The following ASIC2 variants were observed in gnomAD, a reference collection of about 807,000 sequenced individuals.
ASIC2 encodes acid sensing ion channel subunit 2.
A neutral mutation model predicts 57.3 loss-of-function variants in ASIC2; 25 were observed. The ratio of observed to expected loss-of-function variants is 0.44; its 90% confidence interval spans 0.32 to 0.61. ASIC2 has a LOEUF of 0.61. ASIC2 is among the 20% of genes least tolerant of loss of function. The pLI, the probability that ASIC2 is intolerant of heterozygous loss-of-function variation, is 0.06. For synonymous variants in ASIC2, 319 were observed against 307.5 expected (o/e 1.04, Z -0.39); for missense variants, 641 against 738.1 (o/e 0.87, Z 1.52).
intron 1 of ASIC2, among the ~76,000 whole-genome samples, chr17:33,840,790 C>T (rs1304780181): frequency 6.7e-6 from 1 of 148,576 alleles, no homozygotes; most frequent in African/African-American, 2.5e-5. Flanking sequence ...CTTTAGGTAC[C>T]TGGACACACC....
At chr17:34,132,885 C>G (rs888545035) in intron 1 of ASIC2, among the ~76,000 whole-genome samples, 18 of 152,354 alleles carry the variant, frequency 1.2e-4, no homozygotes, top group Middle Eastern at 3.4e-3. Context: ...GCTCAGCTGA[C>G]CTCTGTAGAC....
rs368160107 is a variant in ASIC2 at position 33,037,876 on chromosome 17, C to T, written c.988-9484G>A. On this transcript the variant is annotated intron_variant, in intron 3 of 9. Coordinates refer to ENST00000225823, the MANE Select transcript of ASIC2 (RefSeq NM_183377.2). ...ACTGTCTTGGGAGTGACTTCTCCAT[C>T]ACCAGGGCTGTTCAAGTAGAAACTA... Among the ~76,000 whole-genome samples, 7 of 152,296 alleles carry T rather than the reference C, an allele frequency of 4.6e-5. No homozygotes were observed. In the South Asian group the frequency reaches 1.5e-3, roughly 32 times the overall value.
At chr17:34,101,535 T>C (rs1285970549) in intron 1 of ASIC2, among the ~76,000 whole-genome samples, 1 of 152,188 alleles carries the variant, frequency 6.6e-6, no homozygotes, top group East Asian at 1.9e-4. Flanking sequence ...CCTAAGAATG[T>C]ACAGAGGATA....
chr17:33,490,822 A>T (rs1913731789), intron 1 of ASIC2, among the ~76,000 whole-genome samples: 1 of 152,230 alleles, frequency 6.6e-6, no homozygotes, highest in African/African-American at 2.4e-5. Flanking sequence ...AAAAATTTCC[A>T]CATGGAGTCT....
At chr17:33,801,407 G>A (rs1242803826) in intron 1 of ASIC2, among the ~76,000 whole-genome samples, 2 of 152,110 alleles carry the variant, frequency 1.3e-5, no homozygotes, top group Non-Finnish European at 2.9e-5. Flanking sequence ...CTGCTTGATT[G>A]TCTGATCTGA....
intron 1 of ASIC2, among the ~76,000 whole-genome samples, chr17:33,628,749 C>T (rs761893012): frequency 1.1e-4 from 16 of 152,196 alleles, no homozygotes; most frequent in Non-Finnish European, 2.4e-4. Flanking sequence ...TAACAGCCCT[C>T]TGAGGTTGAT....
chr17:33,970,699 T>C (rs1905203862), intron 1 of ASIC2, among the ~76,000 whole-genome samples: 1 of 152,186 alleles, frequency 6.6e-6, no homozygotes, highest in Non-Finnish European at 1.5e-5. Context: ...TTGTAAGCAC[T>C]CATTGAGGCT....
chr17:34,080,287 A>G (rs138616648), intron 1 of ASIC2, among the ~76,000 whole-genome samples: 1 of 152,292 alleles, frequency 6.6e-6, no homozygotes, highest in African/African-American at 2.4e-5. Flanking sequence ...TGCAATGTCA[A>G]TTGTGCCCCT....
At chr17:33,585,293 C>A (rs1904587588) in intron 1 of ASIC2, among the ~76,000 whole-genome samples, 1 of 152,194 alleles carries the variant, frequency 6.6e-6, no homozygotes, top group Admixed American at 6.5e-5. Flanking sequence ...GTCCTTGACC[C>A]AGTCCCAGGA....
At chr17:33,496,696 C>G (rs945371308) in intron 1 of ASIC2, among the ~76,000 whole-genome samples, 3 of 136,546 alleles carry the variant, frequency 2.2e-5, no homozygotes, top group Non-Finnish European at 3.0e-5. Context: ...CAGCTCATTG[C>G]AACCTCCGCC....
intron 1 of ASIC2, among the ~76,000 whole-genome samples, chr17:34,065,733 A>G (rs932210789): frequency 6.6e-6 from 1 of 152,176 alleles, no homozygotes; most frequent in African/African-American, 2.4e-5. Flanking sequence ...AGGGACGTAG[A>G]TGAATAAGAG....
intron 1 of ASIC2, among the ~76,000 whole-genome samples, chr17:33,522,863 C>T (rs75814063): frequency 0.011 from 1,641 of 152,298 alleles, 15 homozygotes; most frequent in Admixed American, 0.032. Context: ...CTGAAAACTG[C>T]CTCCCGCTCT....
At chr17:33,022,978 A>G (rs567144239) in intron 6 of ASIC2, among the ~76,000 whole-genome samples, 1 of 152,296 alleles carries the variant, frequency 6.6e-6, no homozygotes, top group East Asian at 1.9e-4. Flanking sequence ...TACGTTACCC[A>G]GGCTGAGCTT....
rs116785351 is a variant in ASIC2, at chr17:33,550,806, C to T, written c.556-438739G>A. Among the ~76,000 whole-genome samples, 1,196 of 152,112 alleles carry T rather than the reference C, an allele frequency of 7.9e-3. 20 individuals are homozygous for T. Among genetic ancestry groups the T allele is most frequent in the African/African-American group, 0.028 (1,151 of 41,490 alleles). ...TGTGCATGACTAGGAGTTTTATAAG[C>T]AAAAGAAGCTATGGCAAGGACAGGA... On this transcript the variant is annotated intron_variant, in intron 1 of 9. Coordinates refer to the ASIC2 transcript ENST00000359872.
intron 1 of ASIC2, among the ~76,000 whole-genome samples, chr17:33,595,808 G>A (rs1002311367): frequency 8.5e-5 from 13 of 152,224 alleles, no homozygotes; most frequent in Admixed American, 2.0e-4. Context: ...GACCCACAAA[G>A]GGGTTTAACT....
At chr17:33,912,742 G>A (rs1344964651) in intron 1 of ASIC2, among the ~76,000 whole-genome samples, 1 of 152,006 alleles carries the variant, frequency 6.6e-6, no homozygotes, top group Non-Finnish European at 1.5e-5. Context: ...CACTTTGGGA[G>A]GCGGAGGTGG....
At chr17:34,016,423 C>CAAAAAAAAAAAAAAAAAAA (rs398041640) in intron 1 of ASIC2, among the ~76,000 whole-genome samples, 1 of 41,464 alleles carries the variant, frequency 2.4e-5, no homozygotes, top group African/African-American at 8.3e-5. Context: ...GACTCCGTCT[C>CAAAAAAAAAAAAAAAAAAA]AAAAAAAAAA....
At chr17:33,479,491 ATTGT>A (rs1597744542) in intron 1 of ASIC2, among the ~76,000 whole-genome samples, 1 of 152,156 alleles carries the variant, frequency 6.6e-6, no homozygotes, top group South Asian at 2.1e-4. Flanking sequence ...TTAGAAAGAA[ATTGT>A]TTGTCTTGCA....
chr17:33,305,404 A>G (rs764989216), intron 1 of ASIC2, among the ~76,000 whole-genome samples: 4 of 152,216 alleles, frequency 2.6e-5, no homozygotes, highest in Non-Finnish European at 5.9e-5. Context: ...GATCATGATA[A>G]CATGCTTGGT....
Sources: allele counts gnomAD v4.1 joint callset (sites outside exome capture counted in the v4.1 genomes callset), GRCh38; gene constraint gnomAD v4.1.1; transcripts MANE v1.5; gene names NCBI Gene and HGNC (gene_info 2026-07-23, HGNC 2026-07-21).